Variants in ANKRD45 observed in about 807,000 individuals in gnomAD.
The protein encoded by ANKRD45 is ankyrin repeat domain-containing protein 45.
Under a neutral mutation model 28.1 loss-of-function variants are expected in ANKRD45, and 21 were observed. The observed-to-expected ratio is 0.75, with a 90% confidence interval of 0.53 to 1.08. The LOEUF is 1.08. Among genes scored for constraint, ANKRD45 ranks in the 50% least tolerant of loss-of-function variants. The pLI is 0.00. For missense variants in ANKRD45, 261 were observed against 308.7 expected, an observed-to-expected ratio of 0.85 and a Z score of 1.16; for synonymous variants, 86 against 103.9, an observed-to-expected ratio of 0.83 and a Z score of 1.05.
chr1:173,665,845 C>T lies in ANKRD45; in HGVS notation c.-16+3972G>A, dbSNP rs531135492. 7.9e-5 allele frequency among the ~76,000 whole-genome samples: 12 copies of T among 151,754 alleles called. 1 individual carries two copies. In the South Asian group the frequency reaches 2.5e-3, roughly 32 times the overall value. On this transcript the variant is annotated intron_variant, in intron 1 of 5. Transcript: ENST00000333279. ...GCAACACAGCGAAACCCCATCTCTA[C>T]AAAAAATACAGAAAAAAAAATAGCT...
chr1:173,625,028 A>C, intron 4 of ANKRD45, 103 bp from the exon 5 acceptor site: 1 of 1,231,674 alleles, frequency 8.1e-7, no homozygotes, highest in Non-Finnish European at 1.1e-6. Flanking sequence ...CTGTGATGAT[A>C]GAAATATTCT....
chr1:173,699,737 A>G, the ANKRD45 span, among the ~76,000 whole-genome samples: 1 of 152,200 alleles, frequency 6.6e-6, no homozygotes. Flanking sequence ...AAAAACTGGA[A>G]GCATTCCCTT....
At chr1:173,649,984 G>C (rs1412428092) in intron 2 of ANKRD45, among the ~76,000 whole-genome samples, 1 of 152,154 alleles carries the variant, frequency 6.6e-6, no homozygotes, top group Admixed American at 6.5e-5. Flanking sequence ...TAATTGGGAA[G>C]AAATTAAGAG....
the ANKRD45 span, among the ~76,000 whole-genome samples, chr1:173,693,628 A>C: frequency 6.6e-6 from 1 of 152,244 alleles, no homozygotes; most frequent in East Asian, 1.9e-4. Context: ...GACAACATAG[A>C]ATAAAAACAT....
chr1:173,646,807 A>T (rs748397003), intron 3 of ANKRD45, 39 bp downstream of exon 3: 1 of 1,592,390 alleles, frequency 6.3e-7, no homozygotes, highest in South Asian at 1.1e-5. Context: ...AAAACTCATC[A>T]CATCAGTCAG....
At position 173,610,154 on chromosome 1, in the gene ANKRD45, G is replaced by C; in HGVS notation, c.792C>G (p.Thr264=). ...TTTACAGAACGTATGTTCAGTTGGA[G>C]GTATCATCTTGACTTCTCTTCTGGT... The part of the protein sequence containing the change: ...SHDQKRSQDD[T]SN Residue 264 remains threonine, a synonymous_variant, in exon 6 of 6, where the codon ACC becomes ACG. Transcript: ENST00000333279. 5 of 1,614,032 alleles carry C rather than the reference G, an allele frequency of 3.1e-6. No homozygotes were observed. The highest frequency in any genetic ancestry group is 4.2e-6 in the Non-Finnish European group (5 of 1,179,922).
chr1:173,690,062 G>GCCCCCC, the ANKRD45 span, among the ~76,000 whole-genome samples: 1 of 52,866 alleles, frequency 1.9e-5, no homozygotes, highest in Admixed American at 2.4e-4. Context: ...CCTGCCCCCC[G>GCCCCCC]CCCCCCCCCC....
At chr1:173,687,608 C>T in the ANKRD45 span, among the ~76,000 whole-genome samples, 9 of 151,982 alleles carry the variant, frequency 5.9e-5, no homozygotes, top group African/African-American at 2.2e-4. Context: ...TTGCTGAAAA[C>T]CTTGTAAGTT....
At chr1:173,703,547 C>T in the ANKRD45 span, among the ~76,000 whole-genome samples, 18 of 152,168 alleles carry the variant, frequency 1.2e-4, no homozygotes, top group African/African-American at 3.9e-4. Context: ...GCCTCTACCT[C>T]AGGTCTCCTT....
intron 2 of ANKRD45, among the ~76,000 whole-genome samples, chr1:173,647,313 C>A (rs1339705995): frequency 6.6e-6 from 1 of 152,160 alleles, no homozygotes; most frequent in African/African-American, 2.4e-5. Context: ...TGTCTGAAGG[C>A]TGAGCTCTTC....
At chr1:173,695,950 C>A in the ANKRD45 span, among the ~76,000 whole-genome samples, 1 of 152,166 alleles carries the variant, frequency 6.6e-6, no homozygotes, top group African/African-American at 2.4e-5. Context: ...TTATCCATGA[C>A]AATGCATGCC....
chr1:173,631,269 A>T (rs1668185558), intron 3 of ANKRD45, among the ~76,000 whole-genome samples: 1 of 152,162 alleles, frequency 6.6e-6, no homozygotes, highest in African/African-American at 2.4e-5. Flanking sequence ...CAGCAAGAGG[A>T]TATAACAGCT....
At chr1:173,695,527 A>G in the ANKRD45 span, among the ~76,000 whole-genome samples, 8 of 152,294 alleles carry the variant, frequency 5.3e-5, no homozygotes, top group South Asian at 1.2e-3. Flanking sequence ...TGCAAAGGAC[A>G]TGATATCACT....
intron 5 of ANKRD45, among the ~76,000 whole-genome samples, chr1:173,624,336 T>G (rs1450742617): frequency 6.6e-6 from 1 of 151,586 alleles, no homozygotes; most frequent in Admixed American, 6.6e-5. Context: ...CCATAAAAAA[T>G]TTAAAAATTG....
At chr1:173,639,466 A>T (rs1668608547) in intron 3 of ANKRD45, among the ~76,000 whole-genome samples, 1 of 152,252 alleles carries the variant, frequency 6.6e-6, no homozygotes, top group South Asian at 2.1e-4. Flanking sequence ...TAATAAAAAT[A>T]GAAGCTAAAG....
At chr1:173,668,083 C>A (rs1017776953) in intron 1 of ANKRD45, among the ~76,000 whole-genome samples, 1 of 152,088 alleles carries the variant, frequency 6.6e-6, no homozygotes, top group Non-Finnish European at 1.5e-5. Context: ...ATTTCTAATT[C>A]TTACAACATA....
At chr1:173,682,036 G>A in the ANKRD45 span, among the ~76,000 whole-genome samples, 6 of 147,366 alleles carry the variant, frequency 4.1e-5, no homozygotes, top group Admixed American at 4.0e-4. Flanking sequence ...GCAACAGAGT[G>A]AGACTCTGTC....
the ANKRD45 span, among the ~76,000 whole-genome samples, chr1:173,698,379 C>T: frequency 7.9e-5 from 12 of 152,130 alleles, no homozygotes; most frequent in African/African-American, 2.9e-4. Context: ...TTCTTCTCAG[C>T]ACCACATTGT....
rs551857146 is a variant in ANKRD45 at position 173,622,696 on chromosome 1, T to A, written c.730+2091A>T. On this transcript the variant is annotated intron_variant, in intron 5 of 5. Transcript: ENST00000333279. ...GACTTAAATGTAAAACCCAAAACTATAAAAACCCTAGAAGAAAATCAAGGC... is the reference window on the plus strand; with the variant it reads ...GACTTAAATGTAAAACCCAAAACTAAAAAAACCCTAGAAGAAAATCAAGGC... Among the ~76,000 whole-genome samples the A allele has an allele frequency of 2.6e-5, 4 of 152,164 alleles. No homozygotes were observed. The East Asian group carries it at 7.7e-4, about 29-fold the overall frequency.
Sources: gnomAD v4.1 joint callset for allele counts (sites outside exome capture counted in the v4.1 genomes callset) on GRCh38, gnomAD v4.1.1 for gene constraint, MANE v1.5 for transcripts, NCBI Gene and HGNC (gene_info 2026-07-23, HGNC 2026-07-21) for gene names.